The following ASPRV1 variants were observed in gnomAD, a reference collection of about 807,000 sequenced individuals.
ASPRV1 encodes the protein retroviral-like aspartic protease 1.
Under a neutral mutation model 11.0 loss-of-function variants are expected in ASPRV1, and 7 were observed. The observed-to-expected ratio is 0.64, with a 90% CI of 0.36 to 1.20. ASPRV1 has a LOEUF of 1.20. Among genes scored for constraint, ASPRV1 ranks in the 50% most tolerant of loss-of-function variants. The pLI, the probability that ASPRV1 is intolerant of heterozygous loss-of-function variation, is 0.02. For synonymous variants in ASPRV1, 136 were observed against 138.4 expected, an observed-to-expected ratio of 0.98 and a Z score of 0.12; for missense variants, 299 against 320.0, an observed-to-expected ratio of 0.93 and a Z score of 0.50.
the ASPRV1 span, among the ~76,000 whole-genome samples, chr2:69,978,876 C>A: frequency 6.6e-6 from 1 of 152,186 alleles, no homozygotes. Context: ...GCCATTTGGA[C>A]AAGAGGCCAT....
At chr2:70,078,973 T>A in the ASPRV1 span, among the ~76,000 whole-genome samples, 1 of 152,182 alleles carries the variant, frequency 6.6e-6, no homozygotes, top group South Asian at 2.1e-4. Flanking sequence ...TAAGGTGAAG[T>A]TGACAGGACC....
the ASPRV1 span, chr2:70,018,889 G>C: frequency 6.6e-6 from 1 of 152,174 alleles, no homozygotes; most frequent in South Asian, 2.1e-4. Flanking sequence ...GACTCCAAAA[G>C]CTCAGGCAAC....
chr2:69,971,791 G>T, the ASPRV1 span, among the ~76,000 whole-genome samples: 2 of 152,320 alleles, frequency 1.3e-5, no homozygotes, highest in Admixed American at 1.3e-4. Flanking sequence ...TCATCTGGGG[G>T]AGCTTTGCTG....
the ASPRV1 span, among the ~76,000 whole-genome samples, chr2:70,052,810 T>C: frequency 6.6e-6 from 1 of 152,110 alleles, no homozygotes; most frequent in African/African-American, 2.4e-5. Flanking sequence ...CCTGCAGGAT[T>C]TGAAGCAAGG....
chr2:69,953,435 C>T, the ASPRV1 span, among the ~76,000 whole-genome samples: 1 of 152,224 alleles, frequency 6.6e-6, no homozygotes, highest in African/African-American at 2.4e-5. Flanking sequence ...CCTCCTTGTG[C>T]CCGTGCATGG....
At chr2:70,082,681 T>C in the ASPRV1 span, among the ~76,000 whole-genome samples, 1 of 152,082 alleles carries the variant, frequency 6.6e-6, no homozygotes, top group Non-Finnish European at 1.5e-5. Context: ...CTGCACTCCA[T>C]CCTGGGCAAC....
At chr2:69,990,755 TC>T in the ASPRV1 span, among the ~76,000 whole-genome samples, 1 of 152,088 alleles carries the variant, frequency 6.6e-6, no homozygotes, top group Non-Finnish European at 1.5e-5. Flanking sequence ...ACACCTGGCC[TC>T]CCTTTTAACC....
chr2:70,084,853 G>A, the ASPRV1 span, among the ~76,000 whole-genome samples: 1 of 152,094 alleles, frequency 6.6e-6, no homozygotes, highest in Admixed American at 6.6e-5. Flanking sequence ...AACTGTCATC[G>A]TTGCTGTTAT....
chr2:69,988,925 C>G, the ASPRV1 span: 1 of 371,690 alleles, frequency 2.7e-6, no homozygotes, highest in Non-Finnish European at 5.5e-6. Context: ...CTCCTGTTAC[C>G]AATTTTGAGT....
the ASPRV1 span, chr2:69,939,989 T>A: frequency 6.6e-6 from 1 of 152,156 alleles, no homozygotes; most frequent in Admixed American, 6.5e-5. Context: ...TTGTGTTTTT[T>A]AAAAAATGAT....
At chr2:69,971,071 G>A in the ASPRV1 span, 1 of 152,218 alleles carries the variant, frequency 6.6e-6, no homozygotes, top group South Asian at 2.1e-4. Context: ...GGAGGCTGAG[G>A]CAGGAGAATT....
chr2:69,961,514 C>G lies in ASPRV1; in HGVS notation c.-78G>C. The G allele has an allele frequency of 6.2e-7, 1 of 1,614,144 alleles. No individual in the cohort carries two copies. The highest frequency in any genetic ancestry group is 8.5e-7 in the Non-Finnish European group (1 of 1,180,032). ...CCACAGAGCAGTGTCGGCGCAATCA[C>G]GCTGGAAAACGGGGCCTCTCGAAGC... On this transcript the variant is annotated 5_prime_UTR_variant, in exon 1 of 1. Transcript: ENST00000320256.
chr2:70,007,780 G>T, the ASPRV1 span, among the ~76,000 whole-genome samples: 1 of 152,002 alleles, frequency 6.6e-6, no homozygotes, highest in Non-Finnish European at 1.5e-5. Context: ...GAGGACCAGG[G>T]AACTTTTGCT....
chr2:69,951,485 A>G, the ASPRV1 span, among the ~76,000 whole-genome samples: 1,542 of 87,580 alleles, frequency 0.018, 21 homozygotes, highest in Middle Eastern at 0.026. Flanking sequence ...GTGTGTGTGT[A>G]TATCTATATG....
the ASPRV1 span, among the ~76,000 whole-genome samples, chr2:70,038,734 G>C: frequency 6.6e-6 from 1 of 152,212 alleles, no homozygotes; most frequent in Non-Finnish European, 1.5e-5. Flanking sequence ...TGGAGTTCTA[G>C]TGGTAATATG....
the ASPRV1 span, among the ~76,000 whole-genome samples, chr2:70,059,181 G>A: frequency 6.6e-5 from 10 of 150,974 alleles, no homozygotes; most frequent in South Asian, 6.3e-4. Context: ...GTGAGCCACC[G>A]TGCCTGGCCC....
At chr2:70,028,270 T>C in the ASPRV1 span, 1 of 152,164 alleles carries the variant, frequency 6.6e-6, no homozygotes, top group East Asian at 1.9e-4. Flanking sequence ...TGGAAATAGA[T>C]GGAAGTAATG....
chr2:70,072,078 A>C, the ASPRV1 span, among the ~76,000 whole-genome samples: 1 of 151,846 alleles, frequency 6.6e-6, no homozygotes, highest in Non-Finnish European at 1.5e-5. Flanking sequence ...CAGCCTCCCG[A>C]GTAGGTAGGA....
the ASPRV1 span, among the ~76,000 whole-genome samples, chr2:70,025,782 A>AGATACTGAT: frequency 8.5e-5 from 13 of 152,354 alleles, no homozygotes; most frequent in East Asian, 2.5e-3. Flanking sequence ...CCAGATACAC[A>AGATACTGAT]GATACTGATG....
Sources: gnomAD v4.1 joint callset for allele counts (sites outside exome capture counted in the v4.1 genomes callset) on GRCh38, gnomAD v4.1.1 for gene constraint, MANE v1.5 for transcripts, NCBI Gene and HGNC (gene_info 2026-07-23, HGNC 2026-07-21) for gene names.